The following NR1D2 variants were observed in gnomAD, a reference collection of about 807,000 sequenced individuals.
NR1D2 encodes the protein V-erbA-related protein 1-related.
NR1D2 carries 25 observed loss-of-function variants against 52.2 expected under a neutral mutation model. The ratio of observed to expected loss-of-function variants is 0.48; its 90% CI spans 0.35 to 0.67. The LOEUF (loss-of-function observed/expected upper bound fraction) is 0.67, where lower values mean the gene tolerates loss of function less well. NR1D2 is among the 30% of genes least tolerant of loss of function. The pLI, the probability that NR1D2 is intolerant of heterozygous loss-of-function variation, is 0.01. For synonymous variants in NR1D2, 259 were observed against 230.1 expected (o/e 1.13, Z -1.14); for missense variants, 681 against 707.2 (o/e 0.96, Z 0.42).
intron 3 of NR1D2, among the ~76,000 whole-genome samples, chr3:23,957,445 G>A (rs1388066792): frequency 1.5e-5 from 2 of 135,224 alleles, no homozygotes; most frequent in African/African-American, 5.6e-5. Flanking sequence ...GGCCAGGTGC[G>A]GTGGCTCACG....
At position 23,976,688 on chromosome 3, in the gene NR1D2, C is replaced by T. The variant is rs544100313; in HGVS notation, c.1544-535C>T. ...AGTTTCTTGTAAGCTAATCTCAGAA[C>T]GGACATCCTATCAATTCTGCCATAT... On this transcript the variant is annotated intron_variant, in intron 7 of 7. Coordinates refer to ENST00000312521, the MANE Select transcript of NR1D2 (RefSeq NM_005126.5). Among the ~76,000 whole-genome samples, 127 of 152,270 alleles carry T rather than the reference C, an allele frequency of 8.3e-4. No homozygotes were observed. The South Asian group carries it at 0.023, about 28-fold the overall frequency.
rs965059380 is a variant in NR1D2, at chr3:23,968,039, C to A, written c.1543+16C>A. The A allele has an allele frequency of 1.9e-6, 3 of 1,608,122 alleles. No individual in the cohort carries two copies. In the South Asian group the frequency reaches 3.3e-5, roughly 18 times the overall value. On this transcript the variant is annotated intron_variant, in intron 7 of 7. Transcript: ENST00000312521. The stretch of plus-strand genomic sequence containing the variant: ...GTATCTGCAGGTAAGCAAGCTGGTT[C>A]AAAATTGTGCCACACCTAGCATATA...
intron 1 of NR1D2, chr3:23,946,434 G>A (rs968274196): frequency 5.4e-6 from 2 of 370,110 alleles, no homozygotes; most frequent in Non-Finnish European, 7.5e-6. Flanking sequence ...GGAGCTCTGA[G>A]GTGCTTCGAT....
chr3:23,946,339 A>G, intron 1 of NR1D2: 1 of 974,000 alleles, frequency 1.0e-6, no homozygotes, highest in South Asian at 4.7e-5. Context: ...GATTCCGAGG[A>G]GGAAGTGCAG....
At chr3:23,956,218 G>A (rs141474242) in intron 3 of NR1D2, 93 bp downstream of exon 3, 7 of 949,672 alleles carry the variant, frequency 7.4e-6, no homozygotes, top group Admixed American at 7.1e-5. Flanking sequence ...TAGTCTGAGA[G>A]ACAGTGAGAA....
At chr3:23,949,547 A>G (rs1705868002) in intron 1 of NR1D2, among the ~76,000 whole-genome samples, 1 of 152,228 alleles carries the variant, frequency 6.6e-6, no homozygotes. Context: ...CATGTGTGTG[A>G]AACATTGCTC....
At position 23,966,795 on chromosome 3, in the gene NR1D2, C is replaced by T. The variant is rs1045506824; in HGVS notation, c.1333-1018C>T. ...TTGTAATCCCAGCACTTTGGGAGGC[C>T]GAGGCAGGCCGATCACTTGAGTCCA... On this transcript the variant is annotated intron_variant, in intron 6 of 7. Transcript: ENST00000312521. Among the ~76,000 whole-genome samples the T allele has an allele frequency of 8.6e-5, 13 of 151,726 alleles. No homozygotes were observed. In the South Asian group the frequency reaches 1.5e-3, roughly 17 times the overall value.
chr3:23,945,898 G>A (rs1705672871), intron 1 of NR1D2, among the ~76,000 whole-genome samples: 1 of 150,894 alleles, frequency 6.6e-6, no homozygotes, highest in African/African-American at 2.4e-5. Flanking sequence ...CGCGGGCGCC[G>A]GTTGGCTGGG....
In NR1D2 at chr3:23,954,685, C is replaced by G; in HGVS notation, c.165C>G (p.Pro55=). The G allele has an allele frequency of 6.2e-7, 1 of 1,613,972 alleles. No homozygotes were observed. Among genetic ancestry groups the G allele is most frequent in the Non-Finnish European group, 8.5e-7 (1 of 1,179,948 alleles). ...NSSNSDTNGN[P]KNGDLANIEG... ...CTAATTCTGATACCAATGGTAATCC[C>G]AAGAATGGTGATCTCGCCAATATTG... Residue 55 remains proline, a synonymous_variant, in exon 2 of 8, where the codon CCC becomes CCG. Transcript: ENST00000312521.
chr3:23,961,389 CTTTTTTT>C lies in NR1D2; in HGVS notation c.518-570_518-564del, dbSNP rs869108010. On this transcript the variant is annotated intron_variant, in intron 4 of 7. Transcript: ENST00000312521. ...TCATATTTCTTTTTTCTTTTTCTTT[CTTTTTTT>C]TTTTTTTTTTTTTTTTTAAGATGGA... Among the ~76,000 whole-genome samples, 61 of 76,016 alleles carry C rather than the reference CTTTTTTT, an allele frequency of 8.0e-4. 1 individual carries two copies. The highest frequency in any genetic ancestry group is 1.1e-3 in the African/African-American group (20 of 18,682). 49.9% of individuals were successfully genotyped at this position (76,016 alleles called of 152,430 possible).
chr3:23,951,293 G>A (rs781017475), intron 1 of NR1D2, among the ~76,000 whole-genome samples: 6 of 152,168 alleles, frequency 3.9e-5, no homozygotes, highest in Non-Finnish European at 5.9e-5. Context: ...CCCTAGGAAA[G>A]TCTTACTTCC....
intron 3 of NR1D2, among the ~76,000 whole-genome samples, chr3:23,958,436 G>A (rs934187342): frequency 1.3e-5 from 2 of 152,110 alleles, no homozygotes; most frequent in South Asian, 2.1e-4. Context: ...TGCTTGAGGT[G>A]GAGTGTGAGA....
intron 6 of NR1D2, 25 bp from the exon 7 acceptor site, chr3:23,967,788 A>C (rs67657770): frequency 0.41 from 643,895 of 1,577,056 alleles, 133,669 homozygotes; most frequent in East Asian, 0.46. Flanking sequence ...GACTTCTCCA[A>C]ATACATTTCT....
chr3:23,959,150 C>T (rs1706169680), intron 3 of NR1D2, among the ~76,000 whole-genome samples: 1 of 151,818 alleles, frequency 6.6e-6, no homozygotes, highest in Non-Finnish European at 1.5e-5. Context: ...TGCCTGTAGT[C>T]CCAGCTGTTT....
rs1412941710 is a variant in NR1D2, at chr3:23,977,332, T to C, written c.1653T>C (p.Phe551=). ...ACCATCCAAATGAGGCCTCTATTTT[T>C]ACAAAACTGCTTCTAAAGTTGCCAG... The part of the protein sequence containing the change: ...MKNHPNEASI[F]TKLLLKLPDL... The change falls in exon 8 of 8, where the codon TTT becomes TTC. Residue 551 remains phenylalanine, a synonymous_variant. Coordinates refer to ENST00000312521, the MANE Select transcript of NR1D2 (RefSeq NM_005126.5). 1.2e-6 allele frequency: 2 copies of C among 1,613,816 alleles called. No homozygotes were observed. The highest frequency in any genetic ancestry group is 1.7e-6 in the Non-Finnish European group (2 of 1,179,804).
At chr3:23,950,891 TC>T (rs1456558818) in intron 1 of NR1D2, among the ~76,000 whole-genome samples, 1 of 132,854 alleles carries the variant, frequency 7.5e-6, no homozygotes, top group African/African-American at 3.2e-5. Context: ...TTTTCTTTTC[TC>T]TTTCTTTTTC....
At chr3:23,945,665 G>C in intron 1 of NR1D2, 71 bp downstream of exon 1, 1 of 1,042,686 alleles carries the variant, frequency 9.6e-7, no homozygotes, top group Non-Finnish European at 1.2e-6. Flanking sequence ...CACTTTGGGG[G>C]GCGGCGGCAG....
At chr3:23,948,033 C>G (rs1415660217) in intron 1 of NR1D2, among the ~76,000 whole-genome samples, 1 of 151,768 alleles carries the variant, frequency 6.6e-6, no homozygotes, top group Non-Finnish European at 1.5e-5. Context: ...AGCAGAATAG[C>G]TTGAACCTGG....
chr3:23,949,385 A>C (rs1207265387), intron 1 of NR1D2, among the ~76,000 whole-genome samples: 1 of 152,000 alleles, frequency 6.6e-6, no homozygotes, highest in Non-Finnish European at 1.5e-5. Context: ...ACAACAAAAA[A>C]CACACCATTT....
Sources: gnomAD v4.1 joint callset for allele counts (sites outside exome capture counted in the v4.1 genomes callset) on GRCh38, gnomAD v4.1.1 for gene constraint, MANE v1.5 for transcripts, NCBI Gene and HGNC (gene_info 2026-07-23, HGNC 2026-07-21) for gene names.